Variants in DYSF observed in about 807,000 individuals in gnomAD.
The protein encoded by DYSF is dysferlin.
Under a neutral mutation model 274.9 loss-of-function variants are expected in DYSF, and 212 were observed. The observed-to-expected ratio is 0.77, with a 90% confidence interval of 0.69 to 0.86. DYSF has a LOEUF of 0.86. DYSF is among the 40% of genes least tolerant of loss of function. DYSF has a pLI of 0.00. For missense variants in DYSF, 2,666 were observed against 2,783.2 expected (o/e 0.96, Z 0.95); for synonymous variants, 1,091 against 1,078.7 (o/e 1.01, Z -0.22).
intron 14 of DYSF, among the ~76,000 whole-genome samples, chr2:71,528,903 T>C (rs2088305086): frequency 6.6e-6 from 1 of 152,280 alleles, no homozygotes; most frequent in African/African-American, 2.4e-5. Flanking sequence ...TGCTGACTTC[T>C]GTCCCAGCCC....
chr2:71,588,308 A>T (rs1037268153), intron 30 of DYSF, among the ~76,000 whole-genome samples: 2 of 152,146 alleles, frequency 1.3e-5, no homozygotes, highest in Non-Finnish European at 2.9e-5. Context: ...AGGGTGATGA[A>T]GCTGGTTTTG....
At chr2:71,479,567 C>A (rs4852787) in intron 1 of DYSF, among the ~76,000 whole-genome samples, 70,808 of 152,060 alleles carry the variant, frequency 0.47, 17,484 homozygotes, top group East Asian at 0.81. Context: ...ATGGAAATGA[C>A]CTTCCTGCCC....
upstream of DYSF, among the ~76,000 whole-genome samples, chr2:71,462,461 C>T (rs771619719): frequency 3.3e-5 from 5 of 152,296 alleles, no homozygotes; most frequent in East Asian, 1.9e-4. Flanking sequence ...AGCTTTATCT[C>T]GTTCTCGTTG....
chr2:71,612,706 TGG>T lies in DYSF; in HGVS notation c.4288_4289del (p.Gly1430ProfsTer19). On this transcript the variant is annotated frameshift_variant, in exon 39 of 56. Coordinates refer to ENST00000410020, the MANE Select transcript of DYSF (RefSeq NM_001130987.2). LOFTEE classifies it high-confidence loss of function. ...TCAAGGTCATCGATAACCGCCAGTT[TGG>T]CCGCCGGCCTGTGGTGGGCCAGTGT... Reference protein sequence around the residue: ...TVKVIDNRQFGRRPVVGQCTI... With the variant: ...TVKVIDNRQFXRRPVVGQCTI... The T allele has an allele frequency of 6.2e-7, 1 of 1,614,172 alleles. No homozygotes were observed. The highest frequency in any genetic ancestry group is 8.5e-7 in the Non-Finnish European group (1 of 1,180,016).
chr2:71,543,914 G>A (rs1379631214), intron 17 of DYSF, among the ~76,000 whole-genome samples: 1 of 150,726 alleles, frequency 6.6e-6, no homozygotes, highest in Non-Finnish European at 1.5e-5. Context: ...TGGGGAGAGG[G>A]GGAGGGAGAA....
chr2:71,628,051 T>G (rs1008342444), intron 41 of DYSF, among the ~76,000 whole-genome samples: 13 of 152,152 alleles, frequency 8.5e-5, no homozygotes, highest in African/African-American at 2.9e-4. Flanking sequence ...TCTTTACTAA[T>G]ATATTTGAAT....
chr2:71,494,883 G>C (rs2084220332), intron 3 of DYSF, among the ~76,000 whole-genome samples: 1 of 152,148 alleles, frequency 6.6e-6, no homozygotes. Flanking sequence ...ACATTTTGAG[G>C]ATCTTATTTC....
upstream of DYSF, among the ~76,000 whole-genome samples, chr2:71,464,122 T>C (rs1046189817): frequency 6.6e-6 from 1 of 152,186 alleles, no homozygotes; most frequent in African/African-American, 2.4e-5. Context: ...TAGATGTGGT[T>C]GCCACCCTCT....
At chr2:71,530,787 C>T (rs2088608279) in intron 14 of DYSF, among the ~76,000 whole-genome samples, 2 of 152,280 alleles carry the variant, frequency 1.3e-5, no homozygotes, top group Admixed American at 6.5e-5. Context: ...TCTCATTCTG[C>T]CTGTCCCTCT....
chr2:71,679,260 G>T, intron 53 of DYSF, 25 bp downstream of exon 53: 1 of 1,608,910 alleles, frequency 6.2e-7, no homozygotes. Context: ...TCCAGCCCCA[G>T]TGGAGGGCAT....
intron 1 of DYSF, among the ~76,000 whole-genome samples, chr2:71,480,314 G>A (rs552560583): frequency 2.0e-4 from 30 of 152,110 alleles, no homozygotes; most frequent in Admixed American, 1.6e-3. Flanking sequence ...TGGGAGGATC[G>A]CTTGAGGCCA....
At chr2:71,594,508 A>G (rs1364152087) in intron 32 of DYSF, among the ~76,000 whole-genome samples, 1 of 152,114 alleles carries the variant, frequency 6.6e-6, no homozygotes, top group Non-Finnish European at 1.5e-5. Context: ...CAGAAAACCC[A>G]CCACTCAAAG....
At chr2:71,676,115 A>G (rs1458504695) in intron 52 of DYSF, among the ~76,000 whole-genome samples, 1 of 152,104 alleles carries the variant, frequency 6.6e-6, no homozygotes, top group Non-Finnish European at 1.5e-5. Context: ...TCCCAATGTG[A>G]GTAACACCCT....
chr2:71,654,564 C>T (rs1445217234), intron 42 of DYSF, among the ~76,000 whole-genome samples: 3 of 152,106 alleles, frequency 2.0e-5, no homozygotes, highest in Non-Finnish European at 4.4e-5. Flanking sequence ...GGGAGGATTG[C>T]TTGAGGCCAG....
chr2:71,542,053 C>G (rs1030493902), intron 17 of DYSF, among the ~76,000 whole-genome samples: 2 of 152,152 alleles, frequency 1.3e-5, no homozygotes, highest in African/African-American at 4.8e-5. Flanking sequence ...GGGGAGAGCT[C>G]TAGCTCTCCA....
chr2:71,616,513 C>T (rs919537967), intron 40 of DYSF, among the ~76,000 whole-genome samples: 2 of 151,714 alleles, frequency 1.3e-5, no homozygotes, highest in African/African-American at 2.4e-5. Context: ...GGTGTGTGCA[C>T]GAGCTTCCAT....
intron 27 of DYSF, 54 bp from the exon 28 acceptor site, chr2:71,570,175 T>A (rs1341450601): frequency 3.1e-5 from 47 of 1,517,408 alleles, no homozygotes; most frequent in Non-Finnish European, 4.0e-5. Flanking sequence ...TCTGCCTCCC[T>A]GCTCACATCT....
chr2:71,466,822 T>A lies in DYSF; in HGVS notation c.-21T>A, dbSNP rs1461002270. 4 of 1,505,998 alleles carry A rather than the reference T, an allele frequency of 2.7e-6. No homozygotes were observed. The highest frequency in any genetic ancestry group is 2.7e-6 in the Non-Finnish European group (3 of 1,114,548). 93.3% of individuals were successfully genotyped at this position (1,505,998 alleles called of 1,614,324 possible). ...CTCCCGCCCTGACTGCGCGCCTGTG[T>A]GCCGCCGGGGCTGCCCAGCCATGCT... On this transcript the variant is annotated 5_prime_UTR_variant, in exon 1 of 56. Transcript: ENST00000410020.
chr2:71,675,089 T>A (rs2095197173), intron 52 of DYSF, among the ~76,000 whole-genome samples: 1 of 151,600 alleles, frequency 6.6e-6, no homozygotes, highest in South Asian at 2.1e-4. Flanking sequence ...GTATATGAAA[T>A]GTCCATAATA....
Sources: allele counts gnomAD v4.1 joint callset (sites outside exome capture counted in the v4.1 genomes callset), GRCh38; gene constraint gnomAD v4.1.1; transcripts MANE v1.5; gene names NCBI Gene and HGNC (gene_info 2026-07-23, HGNC 2026-07-21).